The following SLC20A2 variants were observed in gnomAD, a reference collection of about 807,000 sequenced individuals.
SLC20A2 encodes sodium-dependent phosphate transporter 2.
In SLC20A2, 30 loss-of-function variants were observed where a neutral mutation model predicts 61.0. That is an observed-to-expected ratio of 0.49 (90% CI 0.37 to 0.67). SLC20A2 has a LOEUF of 0.67. Among genes scored for constraint, SLC20A2 ranks in the 30% least tolerant of loss-of-function variants. SLC20A2 has a pLI of 0.00. For missense variants in SLC20A2, 626 were observed against 866.4 expected, an observed-to-expected ratio of 0.72 and a Z score of 3.48; for synonymous variants, 351 against 353.3, an observed-to-expected ratio of 0.99 and a Z score of 0.07.
At chr8:42,488,085 A>C (rs1479610124) in intron 1 of SLC20A2, among the ~76,000 whole-genome samples, 1 of 151,860 alleles carries the variant, frequency 6.6e-6, no homozygotes, top group African/African-American at 2.4e-5. Context: ...GAGACCAAGT[A>C]ATATTTCCTT....
At chr8:42,435,347 A>T (rs1804168650) in intron 8 of SLC20A2, among the ~76,000 whole-genome samples, 4 of 152,170 alleles carry the variant, frequency 2.6e-5, no homozygotes, top group African/African-American at 7.2e-5. Flanking sequence ...CAGTCCCCTG[A>T]AAGGTCAGTG....
At chr8:42,418,821 A>G (rs1585970109) in intron 10 of SLC20A2, among the ~76,000 whole-genome samples, 3 of 150,848 alleles carry the variant, frequency 2.0e-5, no homozygotes. Context: ...ACACGGTGAA[A>G]CCCCGTCTCT....
chr8:42,423,631 TAAAC>T (rs1422518552), intron 10 of SLC20A2, among the ~76,000 whole-genome samples: 2 of 152,354 alleles, frequency 1.3e-5, no homozygotes, highest in Middle Eastern at 3.4e-3. Flanking sequence ...CTGTTCTAAA[TAAAC>T]GTTCAAATTC....
chr8:42,487,551 C>T (rs1387708140), intron 1 of SLC20A2, among the ~76,000 whole-genome samples: 2 of 152,122 alleles, frequency 1.3e-5, no homozygotes, highest in Admixed American at 1.3e-4. Context: ...TGCACTGAAT[C>T]GTGGCCCACA....
At chr8:42,476,017 T>G (rs903058901) in intron 1 of SLC20A2, among the ~76,000 whole-genome samples, 72 of 151,762 alleles carry the variant, frequency 4.7e-4, no homozygotes, top group African/African-American at 1.5e-3. Flanking sequence ...TTTTGCTTTT[T>G]GGGGCTAGGA....
rs563773403 is a variant in SLC20A2 at position 42,438,486 on chromosome 8, T to C, written c.935-909A>G. Among the ~76,000 whole-genome samples, 23 of 152,250 alleles carry C rather than the reference T, an allele frequency of 1.5e-4. No homozygotes were observed. The South Asian group carries it at 4.4e-3, about 29-fold the overall frequency. On this transcript the variant is annotated intron_variant, in intron 7 of 10. Transcript: ENST00000520262. Reference sequence around the variant, plus strand: ...CATCCAGGCTAATTTTTTAGGTGCATCTTAAAAGGTCAGTCATGAATGTCA... The same window carrying C: ...CATCCAGGCTAATTTTTTAGGTGCACCTTAAAAGGTCAGTCATGAATGTCA...
chr8:42,446,246 CATT>C (rs1219855360), intron 5 of SLC20A2, among the ~76,000 whole-genome samples: 1 of 152,220 alleles, frequency 6.6e-6, no homozygotes, highest in East Asian at 1.9e-4. Flanking sequence ...GCAATAATAA[CATT>C]AGCCAATCCA....
At chr8:42,500,250 T>G (rs142872970) in intron 1 of SLC20A2, among the ~76,000 whole-genome samples, 1,603 of 152,354 alleles carry the variant, frequency 0.011, 32 homozygotes, top group African/African-American at 0.037. Flanking sequence ...CTGTTTGGCT[T>G]GAGGTCAGTC....
chr8:42,444,100 C>A lies in SLC20A2; in HGVS notation c.730+546G>T, dbSNP rs758108638. On this transcript the variant is annotated intron_variant, in intron 6 of 10. Coordinates refer to ENST00000520262, the MANE Select transcript of SLC20A2 (RefSeq NM_001257180.2). Reference sequence around the variant, plus strand: ...ATGACAAAAAGATTTGTATACAAGTCTTTTTATGAACACGTTTTCATTTCT... The same window carrying A: ...ATGACAAAAAGATTTGTATACAAGTATTTTTATGAACACGTTTTCATTTCT... 6.6e-5 allele frequency among the ~76,000 whole-genome samples: 10 copies of A among 152,308 alleles called. 1 individual carries two copies. The South Asian group carries it at 2.1e-3, about 32-fold the overall frequency.
chr8:42,505,846 A>T (rs375378007), upstream of SLC20A2, among the ~76,000 whole-genome samples: 3 of 151,018 alleles, frequency 2.0e-5, no homozygotes, highest in African/African-American at 7.3e-5. Flanking sequence ...AGCTGAGATC[A>T]CGCCACCACT....
At chr8:42,515,650 C>T (rs1272167241) in intron 1 of SLC20A2, among the ~76,000 whole-genome samples, 1 of 152,110 alleles carries the variant, frequency 6.6e-6, no homozygotes, top group Non-Finnish European at 1.5e-5. Flanking sequence ...ACCTCTAACC[C>T]ACCCCTTCCC....
intron 5 of SLC20A2, among the ~76,000 whole-genome samples, chr8:42,459,256 A>C (rs1326589187): frequency 1.3e-5 from 2 of 151,444 alleles, no homozygotes; most frequent in South Asian, 2.1e-4. Flanking sequence ...AAAAAAAAAA[A>C]AAACATAAAA....
At chr8:42,492,916 C>T (rs762835259) in intron 1 of SLC20A2, among the ~76,000 whole-genome samples, 6 of 152,086 alleles carry the variant, frequency 3.9e-5, no homozygotes, top group African/African-American at 1.4e-4. Flanking sequence ...CTCCTGACCT[C>T]GTGATCCACC....
chr8:42,514,507 C>T (rs1586246596), intron 1 of SLC20A2, among the ~76,000 whole-genome samples: 1 of 152,244 alleles, frequency 6.6e-6, no homozygotes, highest in African/African-American at 2.4e-5. Flanking sequence ...CCTGTAATCC[C>T]GGCACTTTGG....
intron 1 of SLC20A2, among the ~76,000 whole-genome samples, chr8:42,526,862 G>C (rs894150310): frequency 6.6e-6 from 1 of 152,050 alleles, no homozygotes; most frequent in African/African-American, 2.4e-5. Context: ...TCAGCACTTT[G>C]AGGGGTCACG....
chr8:42,446,988 C>A (rs1805265113), intron 5 of SLC20A2, among the ~76,000 whole-genome samples: 1 of 152,112 alleles, frequency 6.6e-6, no homozygotes. Context: ...AATAAATTTG[C>A]AGTCTTTGTT....
intron 3 of SLC20A2, among the ~76,000 whole-genome samples, chr8:42,464,279 C>CT (rs202204490): frequency 0.023 from 3,209 of 136,774 alleles, 67 homozygotes; most frequent in African/African-American, 0.044. Flanking sequence ...GGCTAATTTT[C>CT]TTTCTTTTTT....
intron 5 of SLC20A2, among the ~76,000 whole-genome samples, chr8:42,451,447 G>T (rs1334162767): frequency 1.3e-5 from 2 of 149,284 alleles, no homozygotes; most frequent in African/African-American, 2.5e-5. Flanking sequence ...AGGAGGAAAA[G>T]ATGGAGGAGG....
chr8:42,525,581 C>CAAAA (rs34356863), intron 1 of SLC20A2, among the ~76,000 whole-genome samples: 471 of 67,536 alleles, frequency 7.0e-3, no homozygotes, highest in Middle Eastern at 0.019. Context: ...GACTCTGTCT[C>CAAAA]AAAAAAAAAA....
Sources: gnomAD v4.1 joint callset for allele counts (sites outside exome capture counted in the v4.1 genomes callset) on GRCh38, gnomAD v4.1.1 for gene constraint, MANE v1.5 for transcripts, NCBI Gene and HGNC (gene_info 2026-07-23, HGNC 2026-07-21) for gene names.